IGF2BP3: variants seen among roughly 807,000 people sequenced by gnomAD.
IGF2BP3 encodes insulin like growth factor 2 mRNA binding protein 3.
IGF2BP3 carries 9 observed loss-of-function variants against 73.8 expected under a neutral mutation model. That is an observed-to-expected ratio of 0.12 (90% CI 0.07 to 0.21). The LOEUF (loss-of-function observed/expected upper bound fraction) is 0.21, where lower values mean the gene tolerates loss of function less well. Among genes scored for constraint, IGF2BP3 ranks in the 10% least tolerant of loss-of-function variants. The probability of loss-of-function intolerance (pLI) is 1.00; values close to 1 mark genes in which losing one functional copy is unlikely to be tolerated. For missense variants in IGF2BP3, 542 were observed against 714.0 expected (o/e 0.76, Z 2.75); for synonymous variants, 258 against 256.7 (o/e 1.01, Z -0.05).
intron 11 of IGF2BP3, 45 bp from the exon 12 acceptor site, chr7:23,317,758 T>A (rs781373340): frequency 1.3e-6 from 2 of 1,490,828 alleles, no homozygotes; most frequent in Non-Finnish European, 1.9e-6. Context: ...CAGGTATCAC[T>A]GATAGGCATC....
chr7:23,431,723 A>G (rs1054901676), intron 2 of IGF2BP3, among the ~76,000 whole-genome samples: 2 of 152,178 alleles, frequency 1.3e-5, no homozygotes, highest in African/African-American at 2.4e-5. Flanking sequence ...CTATGTTAGA[A>G]TCACCACAAG....
intron 10 of IGF2BP3, among the ~76,000 whole-genome samples, chr7:23,320,965 A>G (rs1400776892): frequency 5.5e-5 from 8 of 144,368 alleles, no homozygotes; most frequent in African/African-American, 1.7e-4. Flanking sequence ...AAAAAAAAAA[A>G]AAAAGAAAAA....
At chr7:23,418,595 G>T (rs1449731167) in intron 3 of IGF2BP3, among the ~76,000 whole-genome samples, 181 bp downstream of exon 3, 1 of 152,152 alleles carries the variant, frequency 6.6e-6, no homozygotes, top group Non-Finnish European at 1.5e-5. Context: ...CCAAAGAGCA[G>T]ATTTTTAAAA....
chr7:23,432,619 A>G lies in IGF2BP3; in HGVS notation c.237-13795T>C, dbSNP rs1787712962. The stretch of plus-strand genomic sequence containing the variant: ...CTTCATACTGAGATTTTAACTAAGT[A>G]AATGTGCTTCATTTTTTAATTTTTT... On this transcript the variant is annotated intron_variant, in intron 2 of 14. Transcript: ENST00000258729. Among the ~76,000 whole-genome samples the G allele has an allele frequency of 1.3e-5, 2 of 152,098 alleles. 1 individual carries two copies. The highest frequency in any genetic ancestry group is 4.1e-4 in the South Asian group (2 of 4,830).
rs375685826 is a variant in IGF2BP3, at chr7:23,351,452, G to A, written c.536C>T (p.Ser179Phe). The A allele has an allele frequency of 2.4e-5, 38 of 1,613,666 alleles. No homozygotes were observed. Among genetic ancestry groups the A allele is most frequent in the Admixed American group, 1.5e-4 (9 of 59,952 alleles). ...GGATCCTGGAGACCCCTGCCTTGAG[G>A]AGCCCCTCTGCCCAAGCCCCCGGCG... ...RGRRGLGQRG[S>F]SRQGSPGSVS... The change falls in exon 6 of 15, where the codon TCC becomes TTC. Residue 179 changes from serine to phenylalanine, a missense_variant. Around this residue, in one of 2 missense-constraint regions of IGF2BP3, gnomAD observed 239 missense variants for 241.9 expected, o/e 0.99. Coordinates refer to ENST00000258729, the MANE Select transcript of IGF2BP3 (RefSeq NM_006547.3).
intron 12 of IGF2BP3, among the ~76,000 whole-genome samples, chr7:23,315,581 G>A (rs182302923): frequency 7.4e-4 from 112 of 152,254 alleles, no homozygotes; most frequent in South Asian, 6.0e-3. Flanking sequence ...CCCAACACGC[G>A]TTCACTGATT....
intron 10 of IGF2BP3, among the ~76,000 whole-genome samples, chr7:23,330,761 T>C (rs1784424486): frequency 6.6e-6 from 1 of 151,868 alleles, no homozygotes; most frequent in African/African-American, 2.4e-5. Context: ...GACTAATATA[T>C]ACTAGACATA....
chr7:23,314,741 T>G (rs1209842259), intron 12 of IGF2BP3, among the ~76,000 whole-genome samples: 1 of 152,234 alleles, frequency 6.6e-6, no homozygotes, highest in Non-Finnish European at 1.5e-5. Context: ...TGTTTCATAC[T>G]CTTAGAAAGG....
intron 3 of IGF2BP3, among the ~76,000 whole-genome samples, chr7:23,383,009 G>A (rs1472923738): frequency 1.3e-5 from 2 of 151,706 alleles, no homozygotes; most frequent in Non-Finnish European, 2.9e-5. Context: ...GGAAATAGAG[G>A]TGAGCTATGA....
chr7:23,317,786 A>G (rs1365478483), intron 11 of IGF2BP3, 73 bp from the exon 12 acceptor site: 4 of 1,181,518 alleles, frequency 3.4e-6, no homozygotes, highest in Non-Finnish European at 5.1e-6. Flanking sequence ...AACCAGCCTA[A>G]CATTTGCATG....
intron 5 of IGF2BP3, among the ~76,000 whole-genome samples, chr7:23,353,684 T>C (rs1013843073): frequency 6.6e-6 from 1 of 152,240 alleles, no homozygotes; most frequent in Non-Finnish European, 1.5e-5. Flanking sequence ...TTAAATACAA[T>C]GTCTTGCGAT....
At chr7:23,407,877 A>G (rs1179921701) in intron 3 of IGF2BP3, among the ~76,000 whole-genome samples, 1 of 146,954 alleles carries the variant, frequency 6.8e-6, no homozygotes, top group African/African-American at 2.5e-5. Context: ...CCAAGCAAAA[A>G]GAATAAAATA....
intron 3 of IGF2BP3, among the ~76,000 whole-genome samples, chr7:23,370,420 G>A (rs2128511475): frequency 6.6e-6 from 1 of 152,236 alleles, no homozygotes; most frequent in South Asian, 2.1e-4. Context: ...ATGTGTTTCA[G>A]AAGATGGAAC....
intron 5 of IGF2BP3, 103 bp from the exon 6 acceptor site, chr7:23,351,689 A>G: frequency 7.8e-7 from 1 of 1,278,496 alleles, no homozygotes; most frequent in South Asian, 1.4e-5. Flanking sequence ...TACTAGCTCT[A>G]AACTTCTGAG....
chr7:23,349,728 T>C (rs970424824), intron 6 of IGF2BP3, among the ~76,000 whole-genome samples: 1 of 152,114 alleles, frequency 6.6e-6, no homozygotes, highest in African/African-American at 2.4e-5. Flanking sequence ...ATAACAAAAA[T>C]TGCTTCCCTT....
intron 3 of IGF2BP3, among the ~76,000 whole-genome samples, chr7:23,379,959 C>T (rs1453922215): frequency 2.0e-5 from 3 of 152,122 alleles, no homozygotes; most frequent in African/African-American, 7.2e-5. Context: ...AAGCCATGGT[C>T]AGCTAACTGG....
Position 23,469,927 on chromosome 7 carries a change from C to T in IGF2BP3, c.175+9G>A. On this transcript the variant is annotated intron_variant, in intron 1 of 14. Transcript: ENST00000258729. This position sits in a 1 kb window ranked among gnomAD's most constrained non-coding sequence, Gnocchi z 6.1. ...GCGAGAGCCCGGGTGGGGCCAGGCC[C>T]GGGCCCACCTGAAAGCGCCTCGATG... 1.2e-6 allele frequency: 2 copies of T among 1,604,648 alleles called. No individual in the cohort carries two copies. The highest frequency in any genetic ancestry group is 1.7e-6 in the Non-Finnish European group (2 of 1,176,588).
At chr7:23,463,346 A>G (rs1030561113) in intron 2 of IGF2BP3, among the ~76,000 whole-genome samples, 3 of 152,236 alleles carry the variant, frequency 2.0e-5, no homozygotes, top group African/African-American at 7.2e-5. Flanking sequence ...TGTGTCGCTC[A>G]TAATAGTTTC....
At chr7:23,468,292 G>A (rs1272356296) in intron 2 of IGF2BP3, among the ~76,000 whole-genome samples, 190 bp downstream of exon 2, 1 of 152,088 alleles carries the variant, frequency 6.6e-6, no homozygotes, top group African/African-American at 2.4e-5. Context: ...CCACAGAAAA[G>A]CTTTCAATTC....
Sources: allele counts gnomAD v4.1 joint callset (sites outside exome capture counted in the v4.1 genomes callset), GRCh38; gene constraint gnomAD v4.1.1; regional missense constraint gnomAD v4.1.1; non-coding constraint Gnocchi (gnomAD v3.1); transcripts MANE v1.5; gene names NCBI Gene and HGNC (gene_info 2026-07-23, HGNC 2026-07-21).